The following GABBR1 variants were observed in gnomAD, a reference collection of about 807,000 sequenced individuals.
The protein encoded by GABBR1 is gamma-aminobutyric acid type B receptor subunit 1.
A neutral mutation model predicts 117.7 loss-of-function variants in GABBR1; 35 were observed. That is an observed-to-expected ratio of 0.30 (90% CI 0.23 to 0.39). The LOEUF is 0.39. GABBR1 is among the 10% of genes least tolerant of loss of function. The probability of loss-of-function intolerance (pLI) is 1.00; values close to 1 mark genes in which losing one functional copy is unlikely to be tolerated. For synonymous variants in GABBR1, 442 were observed against 486.6 expected, an observed-to-expected ratio of 0.91 and a Z score of 1.21; for missense variants, 709 against 1,241.8, an observed-to-expected ratio of 0.57 and a Z score of 6.45.
chr6:29,628,224 G>T (rs1764566578), intron 5 of GABBR1: 2 of 946,906 alleles, frequency 2.1e-6, no homozygotes, highest in Non-Finnish European at 2.5e-6. Context: ...AGGAGGAAAG[G>T]AACGAAAGAG....
intron 11 of GABBR1, among the ~76,000 whole-genome samples, chr6:29,614,520 A>G (rs1269978670): frequency 6.6e-6 from 1 of 152,230 alleles, no homozygotes; most frequent in Non-Finnish European, 1.5e-5. Context: ...GAGGAGTGAG[A>G]TACGCAAAGG....
In GABBR1 at chr6:29,627,805, G is replaced by T; in HGVS notation, c.497-159C>A. ...CCCGGGCCCCATGGCGTGGGGGGCA[G>T]GGGTAGCTGTTGGGGAGCGTTAGGA... On this transcript the variant is annotated intron_variant, in intron 5 of 22. Coordinates refer to ENST00000377034, the MANE Select transcript of GABBR1 (RefSeq NM_001470.4). This position sits in a 1 kb window ranked among gnomAD's most constrained non-coding sequence, Gnocchi z 4.4. 7.0e-7 allele frequency: 1 copy of T among 1,435,320 alleles called. No homozygotes were observed. The highest frequency in any genetic ancestry group is 9.1e-7 in the Non-Finnish European group (1 of 1,098,038). 88.9% of individuals were successfully genotyped at this position (1,435,320 alleles called of 1,614,324 possible).
In GABBR1 at chr6:29,605,890, C is replaced by A. The variant is rs1761900278; in HGVS notation, c.2312-194G>T. 3 of 617,736 alleles carry A rather than the reference C, an allele frequency of 4.9e-6. No homozygotes were observed. The highest frequency in any genetic ancestry group is 6.1e-5 in the Admixed American group (2 of 32,884). The allele number at this position is 617,736 out of a possible 1,614,324, so 38.3% of individuals were successfully genotyped here. The stretch of plus-strand genomic sequence containing the variant: ...TCCACCCAACTTGCCCAGACCACAT[C>A]ACTTTTTCCTGGGATTCACACAGGA... On this transcript the variant is annotated intron_variant, in intron 19 of 22. Transcript: ENST00000377034. The surrounding 1 kb of genome is among the most constrained non-coding windows in gnomAD (Gnocchi z 4.2).
chr6:29,612,698 G>A, intron 12 of GABBR1, 84 bp from the exon 13 acceptor site: 1 of 1,195,358 alleles, frequency 8.4e-7, no homozygotes, highest in Non-Finnish European at 1.3e-6. Flanking sequence ...AAATCCTTCT[G>A]TTTTTGATGT....
intron 16 of GABBR1, 87 bp downstream of exon 16, chr6:29,608,514 G>A: frequency 7.3e-7 from 1 of 1,375,230 alleles, no homozygotes; most frequent in Non-Finnish European, 1.0e-6. Flanking sequence ...TGAGGAGGAA[G>A]GGCAGAGAAT....
At chr6:29,603,781 G>C in intron 22 of GABBR1, 65 bp from the exon 23 acceptor site, 5 of 1,242,722 alleles carry the variant, frequency 4.0e-6, no homozygotes, top group Non-Finnish European at 5.3e-6. Context: ...GGGGAGGAGG[G>C]AAAGAGAGGA....
chr6:29,632,924 C>A lies in GABBR1; in HGVS notation c.-75G>T. 1 of 216,582 alleles carries A rather than the reference C, an allele frequency of 4.6e-6. No homozygotes were observed. The highest frequency in any genetic ancestry group is 4.1e-5 in the South Asian group (1 of 24,530). The allele number at this position is 216,582 out of a possible 1,614,324, so 13.4% of individuals were successfully genotyped here. ...AGGCCCGGCCGCTCCTCCCCGCTCC[C>A]CCCTCCCTTCTCCTCCACCTTTCTC... On this transcript the variant is annotated 5_prime_UTR_variant, in exon 1 of 23. Transcript: ENST00000377034. This position sits in a 1 kb window ranked among gnomAD's most constrained non-coding sequence, Gnocchi z 5.8.
rs956075676 is a variant in GABBR1, at chr6:29,622,366, C to T, written c.964-161G>A. 6 of 618,194 alleles carry T rather than the reference C, an allele frequency of 9.7e-6. No individual in the cohort carries two copies. The highest frequency in any genetic ancestry group is 8.0e-5 in the Admixed American group (3 of 37,688). The allele number at this position is 618,194 out of a possible 1,614,324, so 38.3% of individuals were successfully genotyped here. A position where few individuals can be genotyped will look rare whatever the true frequency, so the allele number is the denominator to read the frequency against. ...GCTTCTGTCCCTGAAGTGAGGAGTT[C>T]GGGAAGGCATCTGGTCTTAGGATGT... is the stretch of plus-strand genomic sequence containing the variant. On this transcript the variant is annotated intron_variant, in intron 8 of 22. Coordinates refer to ENST00000377034, the MANE Select transcript of GABBR1 (RefSeq NM_001470.4). The surrounding 1 kb of genome is among the most constrained non-coding windows in gnomAD (Gnocchi z 4.6).
At position 29,607,981 on chromosome 6, in the gene GABBR1, T is replaced by C. The variant is rs73744770; in HGVS notation, c.1992+620A>G. Among the ~76,000 whole-genome samples, 291 of 152,300 alleles carry C rather than the reference T, an allele frequency of 1.9e-3. 1 individual carries two copies. The highest frequency in any genetic ancestry group is 2.8e-3 in the African/African-American group (117 of 41,556). ...AAATGCCATGTGCACAGATGTATGA[T>C]CAGGACAGCACAGAGCAGAGGAAAA... On this transcript the variant is annotated intron_variant, in intron 16 of 22. Coordinates refer to ENST00000377034, the MANE Select transcript of GABBR1 (RefSeq NM_001470.4). This position sits in a 1 kb window ranked among gnomAD's most constrained non-coding sequence, Gnocchi z 5.0.
intron 11 of GABBR1, among the ~76,000 whole-genome samples, chr6:29,619,506 T>C (rs990902775): frequency 6.6e-6 from 1 of 152,128 alleles, no homozygotes; most frequent in African/African-American, 2.4e-5. Context: ...TCCCTAACCA[T>C]CTCTCTGTTC....
intron 5 of GABBR1, 64 bp downstream of exon 5, chr6:29,629,023 G>A: frequency 6.3e-7 from 1 of 1,589,926 alleles, no homozygotes; most frequent in Non-Finnish European, 8.6e-7. Context: ...ATTTCAGGGG[G>A]GTGGAGGGTG....
intron 11 of GABBR1, among the ~76,000 whole-genome samples, chr6:29,619,622 T>C (rs1763545104): frequency 1.3e-5 from 2 of 151,678 alleles, no homozygotes; most frequent in South Asian, 4.2e-4. Flanking sequence ...CCCAAGGTGC[T>C]GGGGACTACA....
In GABBR1 at chr6:29,631,654, G is replaced by C. The variant is rs886505294; in HGVS notation, c.86-55C>G. On this transcript the variant is annotated intron_variant, in intron 2 of 22. Coordinates refer to ENST00000377034, the MANE Select transcript of GABBR1 (RefSeq NM_001470.4). The surrounding 1 kb of genome is among the most constrained non-coding windows in gnomAD (Gnocchi z 5.9). ...GAGGAATGGTGGGAAAGAGGAAAAG[G>C]CAGGCTCCCCAGTGGGAGGAAGGGG... 6 of 1,535,280 alleles carry C rather than the reference G, an allele frequency of 3.9e-6. No individual in the cohort carries two copies. The African/African-American group carries it at 5.5e-5, about 14-fold the overall frequency.
At chr6:29,617,308 T>C (rs1273248417) in intron 11 of GABBR1, among the ~76,000 whole-genome samples, 2 of 134,954 alleles carry the variant, frequency 1.5e-5, no homozygotes, top group African/African-American at 5.1e-5. Context: ...TTTCTTTTTT[T>C]TTTTTTTTTT....
intron 16 of GABBR1, 44 bp downstream of exon 16, chr6:29,608,557 G>A (rs760417835): frequency 6.3e-7 from 1 of 1,595,858 alleles, no homozygotes. Context: ...TGAGACGGGT[G>A]GGAGAGTCAC....
At position 29,605,703 on chromosome 6, in the gene GABBR1, T is replaced by A; in HGVS notation, c.2312-7A>T. 6.2e-7 allele frequency: 1 copy of A among 1,611,516 alleles called. No homozygotes were observed. Among genetic ancestry groups the A allele is most frequent in the Non-Finnish European group, 8.5e-7 (1 of 1,179,902 alleles). On this transcript the variant is annotated splice_region_variant and splice_polypyrimidine_tract_variant and intron_variant, in intron 19 of 22. Coordinates refer to ENST00000377034, the MANE Select transcript of GABBR1 (RefSeq NM_001470.4). The surrounding 1 kb of genome is among the most constrained non-coding windows in gnomAD (Gnocchi z 4.2). ...TTGTAACCATAGAAAATGCCTAGGA[T>A]GGCAGGAGAGAGTCACTTGAGCAAC...
chr6:29,622,921 T>C lies in GABBR1; in HGVS notation c.963+384A>G, dbSNP rs778357865. Among the ~76,000 whole-genome samples the C allele has an allele frequency of 1.3e-5, 2 of 151,774 alleles. No homozygotes were observed. Among genetic ancestry groups the C allele is most frequent in the Non-Finnish European group, 2.9e-5 (2 of 67,924 alleles). ...ACTGGCTCCATCCCCTCTGTTCCCATTCACACCCACCCACCACCCCCCTTG... is the reference window on the plus strand; with the variant it reads ...ACTGGCTCCATCCCCTCTGTTCCCACTCACACCCACCCACCACCCCCCTTG... On this transcript the variant is annotated intron_variant, in intron 8 of 22. Transcript: ENST00000377034. This position sits in a 1 kb window ranked among gnomAD's most constrained non-coding sequence, Gnocchi z 4.6.
At position 29,627,691 on chromosome 6, in the gene GABBR1, TG is replaced by T. The variant is rs1330260777; in HGVS notation, c.497-46del. On this transcript the variant is annotated intron_variant, in intron 5 of 22. Transcript: ENST00000377034. The surrounding 1 kb of genome is among the most constrained non-coding windows in gnomAD (Gnocchi z 4.4). Reference sequence around the variant, plus strand: ...GACCCGCGAGTGAGGCCGCGGGAGATGGGGGGAGTGGGAGGCCCACACCGGA... The same window carrying T: ...GACCCGCGAGTGAGGCCGCGGGAGATGGGGGAGTGGGAGGCCCACACCGGA... The T allele has an allele frequency of 6.5e-7, 1 of 1,531,462 alleles. No homozygotes were observed. Among genetic ancestry groups the T allele is most frequent in the Non-Finnish European group, 8.7e-7 (1 of 1,144,166 alleles). The allele number at this position is 1,531,462 out of a possible 1,614,324, so 94.9% of individuals were successfully genotyped here. A position where few individuals can be genotyped will look rare whatever the true frequency, so the allele number is the denominator to read the frequency against.
At chr6:29,616,796 G>A (rs568278186) in intron 11 of GABBR1, among the ~76,000 whole-genome samples, 2 of 149,054 alleles carry the variant, frequency 1.3e-5, no homozygotes, top group African/African-American at 5.0e-5. Context: ...CAAGGCTGCA[G>A]CGATTGTACC....
Sources: gnomAD v4.1 joint callset for allele counts (sites outside exome capture counted in the v4.1 genomes callset) on GRCh38, gnomAD v4.1.1 for gene constraint, Gnocchi (gnomAD v3.1) non-coding constraint, MANE v1.5 for transcripts, NCBI Gene and HGNC (gene_info 2026-07-23, HGNC 2026-07-21) for gene names.